SLC9A9: variants seen among roughly 807,000 people sequenced by gnomAD.
SLC9A9 encodes the protein sodium/hydrogen exchanger 9.
SLC9A9 carries 62 observed loss-of-function variants against 77.8 expected under a neutral mutation model. The observed-to-expected ratio is 0.80, with a 90% confidence interval of 0.65 to 0.98. SLC9A9 has a LOEUF of 0.98. Among genes scored for constraint, SLC9A9 ranks in the 50% least tolerant of loss-of-function variants. The pLI is 0.00. For missense variants in SLC9A9, 775 were observed against 774.9 expected (o/e 1.00, Z 0.00); for synonymous variants, 320 against 283.5 (o/e 1.13, Z -1.29).
At chr3:143,744,346 C>T (rs941835798) in intron 4 of SLC9A9, among the ~76,000 whole-genome samples, 5 of 152,138 alleles carry the variant, frequency 3.3e-5, no homozygotes, top group Non-Finnish European at 2.9e-5. Flanking sequence ...TCAAAGACAT[C>T]CCTCGTGGTG....
At chr3:143,384,826 G>T (rs984835348) in intron 12 of SLC9A9, among the ~76,000 whole-genome samples, 3 of 126,268 alleles carry the variant, frequency 2.4e-5, no homozygotes, top group Non-Finnish European at 3.6e-5. Context: ...GGTGAACACG[G>T]TCCTTGCCCA....
intron 4 of SLC9A9, among the ~76,000 whole-genome samples, chr3:143,790,402 G>A (rs2108854434): frequency 6.6e-6 from 1 of 152,254 alleles, no homozygotes; most frequent in South Asian, 2.1e-4. Context: ...TATATTCACA[G>A]CCAATTCTGA....
chr3:143,519,289 G>T (rs768258108), intron 9 of SLC9A9, among the ~76,000 whole-genome samples: 1 of 152,154 alleles, frequency 6.6e-6, no homozygotes, highest in African/African-American at 2.4e-5. Flanking sequence ...CTGAAAGGAG[G>T]CTTATTTGGC....
chr3:143,667,380 C>T (rs868530353), intron 5 of SLC9A9, among the ~76,000 whole-genome samples: 3 of 150,950 alleles, frequency 2.0e-5, no homozygotes, highest in East Asian at 2.0e-4. Context: ...TAAAAACCCT[C>T]GAAGAAAACC....
intron 11 of SLC9A9, among the ~76,000 whole-genome samples, chr3:143,488,039 G>C (rs1016004816): frequency 1.3e-5 from 2 of 151,686 alleles, no homozygotes; most frequent in Non-Finnish European, 1.5e-5. Context: ...ACTAAAATTA[G>C]AAATAATAGT....
intron 12 of SLC9A9, among the ~76,000 whole-genome samples, chr3:143,432,689 G>A (rs541585167): frequency 3.3e-5 from 5 of 152,262 alleles, no homozygotes; most frequent in Admixed American, 2.0e-4. Flanking sequence ...GTGCAGTGGC[G>A]TGATCTTGGC....
At chr3:143,498,392 A>G (rs1439304867) in intron 9 of SLC9A9, among the ~76,000 whole-genome samples, 3 of 152,116 alleles carry the variant, frequency 2.0e-5, no homozygotes, top group Non-Finnish European at 2.9e-5. Flanking sequence ...AGTCTCTACT[A>G]AAAATACAAA....
At chr3:143,828,904 A>G (rs1404598195) in intron 2 of SLC9A9, among the ~76,000 whole-genome samples, 1 of 152,174 alleles carries the variant, frequency 6.6e-6, no homozygotes, top group Non-Finnish European at 1.5e-5. Flanking sequence ...TCCCTAACTC[A>G]TTTGCCCATT....
At chr3:143,596,497 T>C (rs2037754274) in intron 6 of SLC9A9, among the ~76,000 whole-genome samples, 1 of 152,206 alleles carries the variant, frequency 6.6e-6, no homozygotes, top group South Asian at 2.1e-4. Flanking sequence ...TGATATCATT[T>C]TTCGGTTTCC....
chr3:143,414,445 T>C (rs180945997), intron 12 of SLC9A9, among the ~76,000 whole-genome samples: 45 of 152,382 alleles, frequency 3.0e-4, no homozygotes, highest in African/African-American at 8.4e-4. Context: ...TGAGCAAATC[T>C]ACTGGCACAA....
intron 6 of SLC9A9, among the ~76,000 whole-genome samples, chr3:143,603,228 A>T (rs953488492): frequency 6.6e-6 from 1 of 152,228 alleles, no homozygotes; most frequent in Non-Finnish European, 1.5e-5. Context: ...AAAAGTGCTC[A>T]CATCTGAGAT....
intron 8 of SLC9A9, among the ~76,000 whole-genome samples, chr3:143,571,719 G>T (rs1218534579): frequency 1.3e-5 from 2 of 152,014 alleles, no homozygotes; most frequent in African/African-American, 2.4e-5. Context: ...TATATTTATT[G>T]CCAAACCACA....
intron 6 of SLC9A9, among the ~76,000 whole-genome samples, chr3:143,602,434 A>T (rs2037860588): frequency 6.6e-6 from 1 of 152,240 alleles, no homozygotes. Flanking sequence ...GAACAGGTCA[A>T]TTGCTCGAAA....
chr3:143,707,546 C>A (rs974461638), intron 4 of SLC9A9, among the ~76,000 whole-genome samples: 1 of 152,074 alleles, frequency 6.6e-6, no homozygotes, highest in African/African-American at 2.4e-5. Context: ...GCCTTTGTTT[C>A]CCAAATATAA....
chr3:143,687,882 T>C (rs532314942), intron 5 of SLC9A9, among the ~76,000 whole-genome samples: 20 of 152,242 alleles, frequency 1.3e-4, no homozygotes, highest in African/African-American at 4.8e-4. Flanking sequence ...ATGCTCTTTA[T>C]GGTTATGAGC....
chr3:143,563,370 G>A (rs1282454004), intron 8 of SLC9A9, among the ~76,000 whole-genome samples: 1 of 152,134 alleles, frequency 6.6e-6, no homozygotes, highest in Non-Finnish European at 1.5e-5. Context: ...AATATACTAT[G>A]TCTATTTACT....
At chr3:143,605,960 A>C (rs931340188) in intron 6 of SLC9A9, among the ~76,000 whole-genome samples, 1 of 152,260 alleles carries the variant, frequency 6.6e-6, no homozygotes, top group South Asian at 2.1e-4. Context: ...GAAAACCCAC[A>C]GTGAGAACGA....
intron 14 of SLC9A9, among the ~76,000 whole-genome samples, chr3:143,274,011 G>T (rs1937971887): frequency 6.6e-6 from 1 of 152,102 alleles, no homozygotes; most frequent in Admixed American, 6.6e-5. Flanking sequence ...ATATATAATG[G>T]TCTCTGCCAG....
intron 4 of SLC9A9, among the ~76,000 whole-genome samples, chr3:143,772,956 A>G (rs1176748209): frequency 6.6e-6 from 1 of 152,242 alleles, no homozygotes; most frequent in Admixed American, 6.5e-5. Flanking sequence ...AAAAGAAATA[A>G]CCAAAATCAG....
Sources: allele counts gnomAD v4.1 joint callset (sites outside exome capture counted in the v4.1 genomes callset), GRCh38; gene constraint gnomAD v4.1.1; transcripts MANE v1.5; gene names NCBI Gene and HGNC (gene_info 2026-07-23, HGNC 2026-07-21).